Variants in IL12RB2 observed in about 807,000 individuals in gnomAD.
IL12RB2 encodes interleukin-12 receptor subunit beta-2.
In IL12RB2, 82 loss-of-function variants were observed where a neutral mutation model predicts 89.4. The ratio of observed to expected loss-of-function variants is 0.92; its 90% CI spans 0.77 to 1.10. The LOEUF is 1.10. IL12RB2 is among the 50% of genes least tolerant of loss of function. The pLI, the probability that IL12RB2 is intolerant of heterozygous loss-of-function variation, is 0.00. For missense variants in IL12RB2, 963 were observed against 1,031.9 expected, an observed-to-expected ratio of 0.93 and a Z score of 0.92; for synonymous variants, 368 against 370.1, an observed-to-expected ratio of 0.99 and a Z score of 0.07.
chr1:67,322,871 G>C (rs536629603), intron 4 of IL12RB2, among the ~76,000 whole-genome samples: 1 of 152,186 alleles, frequency 6.6e-6, no homozygotes, highest in African/African-American at 2.4e-5. Flanking sequence ...CCTGCAGTTC[G>C]CAACCTGTGG....
chr1:67,358,611 T>G (rs921503022), intron 10 of IL12RB2, among the ~76,000 whole-genome samples: 1 of 150,602 alleles, frequency 6.6e-6, no homozygotes, highest in Non-Finnish European at 1.5e-5. Flanking sequence ...ATTAAAAAAA[T>G]TAAAATGAGA....
At chr1:67,320,555 A>C in intron 3 of IL12RB2, 111 bp downstream of exon 3, 1 of 1,564,948 alleles carries the variant, frequency 6.4e-7, no homozygotes, top group Non-Finnish European at 8.7e-7. Flanking sequence ...TTTTGTAGTC[A>C]ATCTCTGTCA....
At chr1:67,334,879 T>G (rs972899579) in intron 8 of IL12RB2, among the ~76,000 whole-genome samples, 5 of 152,262 alleles carry the variant, frequency 3.3e-5, no homozygotes, top group Non-Finnish European at 7.3e-5. Context: ...GGGCCGTAGT[T>G]TGCTGACCCC....
At chr1:67,309,780 G>A (rs1354869223) in intron 1 of IL12RB2, among the ~76,000 whole-genome samples, 1 of 152,086 alleles carries the variant, frequency 6.6e-6, no homozygotes, top group Non-Finnish European at 1.5e-5. Context: ...TCTCAGTTGT[G>A]GACTTATTTT....
chr1:67,309,059 TAC>T (rs916218921), intron 1 of IL12RB2, among the ~76,000 whole-genome samples: 41 of 151,312 alleles, frequency 2.7e-4, no homozygotes, highest in South Asian at 6.3e-4. Context: ...TATATATATA[TAC>T]ACACACACAC....
At chr1:67,327,683 G>A (rs1657515718) in intron 5 of IL12RB2, among the ~76,000 whole-genome samples, 2 of 152,204 alleles carry the variant, frequency 1.3e-5, no homozygotes, top group African/African-American at 4.8e-5. Flanking sequence ...AGATCCAGCT[G>A]ATTTGTGCTA....
intron 13 of IL12RB2, among the ~76,000 whole-genome samples, chr1:67,379,629 A>G (rs867063749): frequency 6.6e-6 from 1 of 152,018 alleles, no homozygotes; most frequent in African/African-American, 2.4e-5. Context: ...ATCATTGGAA[A>G]TAAAGGGAGT....
Position 67,330,750 on chromosome 1 carries a change from C to A in IL12RB2, c.898C>A (p.Leu300Ile). ...ATTTCAGATTTCCTCTAAGCTACAT[C>A]TTTATAAGGGAAGTTGGAGTGATTG... ...YEFQISSKLH[L>I]YKGSWSDWSE... The change falls in exon 8 of 17, where the codon CTT becomes ATT. Residue 300 changes from leucine to isoleucine, a missense_variant. By Grantham distance (5) the Leu-to-Ile change is conservative (BLOSUM62 2). Transcript: ENST00000674203. 6.4e-7 allele frequency: 1 copy of A among 1,556,778 alleles called. No homozygotes were observed. The highest frequency in any genetic ancestry group is 8.9e-7 in the Non-Finnish European group (1 of 1,128,144).
rs17129906 is a variant in IL12RB2 at position 67,372,638 on chromosome 1, C to A, written c.1572C>A (p.Gly524=). 1.2e-3 allele frequency: 1,962 copies of A among 1,613,262 alleles called. 24 individuals are homozygous for A. The African/African-American group carries it at 0.022, about 18-fold the overall frequency. Residue 524 remains glycine, a synonymous_variant, in exon 13 of 17, where the codon GGC becomes GGA. Coordinates refer to ENST00000674203, the MANE Select transcript of IL12RB2 (RefSeq NM_001374259.2). ...CCTACTTTACAGCACCACTGAGTGG[C>A]CCCCACATTAATGCCATCACAGAGG... The part of the protein sequence containing the change: ...GNSKHKAPLS[G]PHINAITEEK...
At chr1:67,335,370 A>C (rs1383440244) in intron 8 of IL12RB2, among the ~76,000 whole-genome samples, 1 of 152,172 alleles carries the variant, frequency 6.6e-6, no homozygotes, top group Non-Finnish European at 1.5e-5. Flanking sequence ...CATCATTAAC[A>C]GTGCTGTGTT....
chr1:67,324,433 A>T (rs1469080633), intron 4 of IL12RB2, among the ~76,000 whole-genome samples: 1 of 151,940 alleles, frequency 6.6e-6, no homozygotes, highest in East Asian at 1.9e-4. Flanking sequence ...TATTGGCCAG[A>T]CTGGTCTCTA....
intron 6 of IL12RB2, 49 bp downstream of exon 6, chr1:67,328,433 ATCAC>A: frequency 6.2e-7 from 1 of 1,610,126 alleles, no homozygotes; most frequent in Non-Finnish European, 8.5e-7. Context: ...TATTTTTAAA[ATCAC>A]TCAAATCTTT....
chr1:67,347,651 C>T (rs1034027712), intron 9 of IL12RB2, among the ~76,000 whole-genome samples: 1 of 152,148 alleles, frequency 6.6e-6, no homozygotes, highest in Non-Finnish European at 1.5e-5. Flanking sequence ...TCATTTCCCA[C>T]AGGTCAGAGC....
chr1:67,317,992 G>A (rs1280781207), intron 2 of IL12RB2, among the ~76,000 whole-genome samples: 2 of 152,178 alleles, frequency 1.3e-5, no homozygotes, highest in Admixed American at 1.3e-4. Flanking sequence ...GTCAGGGAGG[G>A]CGTCGGAGGG....
chr1:67,339,878 C>T (rs946281721), intron 9 of IL12RB2, among the ~76,000 whole-genome samples: 3 of 152,092 alleles, frequency 2.0e-5, no homozygotes, highest in Non-Finnish European at 4.4e-5. Context: ...AAATGCTGTG[C>T]GATTCGAATT....
At chr1:67,375,384 G>A (rs941046338) in intron 13 of IL12RB2, among the ~76,000 whole-genome samples, 1 of 152,136 alleles carries the variant, frequency 6.6e-6, no homozygotes, top group Non-Finnish European at 1.5e-5. Flanking sequence ...GACAGAGATG[G>A]ACTCTGTCTC....
At chr1:67,308,419 TG>T (rs199766938) in intron 1 of IL12RB2, among the ~76,000 whole-genome samples, 8 of 151,590 alleles carry the variant, frequency 5.3e-5, no homozygotes, top group Non-Finnish European at 8.8e-5. Context: ...AGTAAGATAT[TG>T]GGGGGGGCCT....
At chr1:67,351,622 C>A (rs1270758112) in intron 10 of IL12RB2, among the ~76,000 whole-genome samples, 1 of 152,068 alleles carries the variant, frequency 6.6e-6, no homozygotes, top group East Asian at 1.9e-4. Context: ...CACAGTGAGA[C>A]CCCTTTCATC....
intron 4 of IL12RB2, among the ~76,000 whole-genome samples, chr1:67,322,611 G>A (rs936933905): frequency 1.3e-5 from 2 of 152,138 alleles, no homozygotes; most frequent in Non-Finnish European, 2.9e-5. Context: ...AGAAAATGCA[G>A]CTGGTTGTTT....
Sources: allele counts gnomAD v4.1 joint callset (sites outside exome capture counted in the v4.1 genomes callset), GRCh38; gene constraint gnomAD v4.1.1; transcripts MANE v1.5; gene names NCBI Gene and HGNC (gene_info 2026-07-23, HGNC 2026-07-21).